LAMA2: variants seen among roughly 807,000 people sequenced by gnomAD.
The protein encoded by LAMA2 is laminin subunit alpha-2.
A neutral mutation model predicts 364.8 loss-of-function variants in LAMA2; 269 were observed. The observed-to-expected ratio is 0.74, with a 90% CI of 0.67 to 0.82. The LOEUF is 0.82. Among genes scored for constraint, LAMA2 ranks in the 40% least tolerant of loss-of-function variants. The probability of loss-of-function intolerance (pLI) is 0.00; values close to 1 mark genes in which losing one functional copy is unlikely to be tolerated. For missense variants in LAMA2, 3,807 were observed against 3,873.2 expected (o/e 0.98, Z 0.45); for synonymous variants, 1,379 against 1,370.6 (o/e 1.01, Z -0.14).
intron 28 of LAMA2, among the ~76,000 whole-genome samples, chr6:129,321,474 C>A (rs1774964129): frequency 6.6e-6 from 1 of 152,176 alleles, no homozygotes; most frequent in Non-Finnish European, 1.5e-5. Context: ...TGAAGCCTGG[C>A]ATGCATGGGG....
Position 129,219,859 on chromosome 6 carries a change from A to G in LAMA2, c.1782+27006A>G, listed in dbSNP as rs566571154. Among the ~76,000 whole-genome samples the G allele has an allele frequency of 7.3e-5, 11 of 150,100 alleles. 1 individual carries two copies. The highest frequency in any genetic ancestry group is 1.3e-4 in the African/African-American group (5 of 39,646). On this transcript the variant is annotated intron_variant, in intron 12 of 64. Coordinates refer to ENST00000421865, the MANE Select transcript of LAMA2 (RefSeq NM_000426.4). ...GGGGGGAGGGGGGAGAGATAGCATT[A>G]GGAGATGCTAAATGACGAGTTAATG...
At chr6:129,158,670 A>G in intron 8 of LAMA2, 1 of 1,614,194 alleles carries the variant, frequency 6.2e-7, no homozygotes, top group Non-Finnish European at 8.5e-7. Context: ...CAGCCATCGA[A>G]TGCTGCCATC....
At chr6:129,311,191 G>A (rs890791517) in intron 22 of LAMA2, among the ~76,000 whole-genome samples, 6 of 151,662 alleles carry the variant, frequency 4.0e-5, no homozygotes, top group Non-Finnish European at 5.9e-5. Flanking sequence ...GCGCGATCTC[G>A]GCTCACTGCA....
chr6:129,229,834 A>T (rs1278332200), intron 12 of LAMA2, among the ~76,000 whole-genome samples: 1 of 152,204 alleles, frequency 6.6e-6, no homozygotes, highest in East Asian at 1.9e-4. Context: ...TCATTGATTT[A>T]GATGGGGAAG....
At chr6:128,904,661 G>A (rs1038574081) in intron 1 of LAMA2, among the ~76,000 whole-genome samples, 1 of 151,944 alleles carries the variant, frequency 6.6e-6, no homozygotes, top group African/African-American at 2.4e-5. Context: ...GTTTCACTAT[G>A]TTGGCCAGGC....
chr6:129,036,631 T>A (rs1341688852), intron 1 of LAMA2, among the ~76,000 whole-genome samples: 2 of 150,890 alleles, frequency 1.3e-5, no homozygotes, highest in African/African-American at 4.9e-5. Flanking sequence ...CTTTTTCTGA[T>A]TAAAAAAAAA....
intron 1 of LAMA2, among the ~76,000 whole-genome samples, chr6:128,995,593 G>A (rs1266607108): frequency 6.6e-6 from 1 of 152,048 alleles, no homozygotes; most frequent in Non-Finnish European, 1.5e-5. Context: ...CAAAGTGCTG[G>A]GATTACAGGC....
At chr6:128,890,463 T>C (rs1480729902) in intron 1 of LAMA2, among the ~76,000 whole-genome samples, 1 of 152,004 alleles carries the variant, frequency 6.6e-6, no homozygotes, top group Non-Finnish European at 1.5e-5. Flanking sequence ...TGTTAGTCTA[T>C]CATATCCAGA....
intron 32 of LAMA2, among the ~76,000 whole-genome samples, chr6:129,362,444 C>T (rs1199094990): frequency 1.3e-5 from 2 of 152,164 alleles, no homozygotes; most frequent in African/African-American, 4.8e-5. Flanking sequence ...TCTCTCCTAA[C>T]ATTCTACCTC....
rs2114888730 is a variant in LAMA2, at chr6:129,502,685, A to G, written c.8271A>G (p.Pro2757=). 2 of 1,613,976 alleles carry G rather than the reference A, an allele frequency of 1.2e-6. No individual in the cohort carries two copies. Among genetic ancestry groups the G allele is most frequent in the Non-Finnish European group, 1.7e-6 (2 of 1,179,846 alleles). ...GTCCTTGTGCTGCAGAATCAGAACC[A>G]GCTCTTTTGATAGGGAGCAAGCAGT... ...THGPCAAESE[P]ALLIGSKQFG... Residue 2757 remains proline, a synonymous_variant, in exon 59 of 65, where the codon CCA becomes CCG. Transcript: ENST00000421865.
In LAMA2 at chr6:129,366,889, T is replaced by G. The variant is rs547566281; in HGVS notation, c.4860+528T>G. Among the ~76,000 whole-genome samples the G allele has an allele frequency of 3.9e-5, 6 of 152,296 alleles. No homozygotes were observed. In the South Asian group the frequency reaches 8.3e-4, roughly 21 times the overall value. On this transcript the variant is annotated intron_variant, in intron 33 of 64. Transcript: ENST00000421865. ...CCTACAAAGGGTCCTGAAATGAATG[T>G]GAGCATCACTTGACAAGTTTATGTG...
intron 29 of LAMA2, among the ~76,000 whole-genome samples, chr6:129,332,536 A>G (rs1407398190): frequency 6.6e-6 from 1 of 152,200 alleles, no homozygotes; most frequent in Non-Finnish European, 1.5e-5. Context: ...AATCAAAATT[A>G]CTGGAATTTT....
chr6:129,184,241 A>C (rs1781100830), intron 10 of LAMA2, among the ~76,000 whole-genome samples: 2 of 151,908 alleles, frequency 1.3e-5, no homozygotes, highest in African/African-American at 4.8e-5. Flanking sequence ...TAACTTGTAG[A>C]CTTGATTCCT....
At chr6:129,408,769 C>T (rs1279894221) in intron 40 of LAMA2, among the ~76,000 whole-genome samples, 1 of 152,194 alleles carries the variant, frequency 6.6e-6, no homozygotes, top group East Asian at 1.9e-4. Context: ...TGCATAACCT[C>T]CATTCCTGCC....
At chr6:128,991,808 T>C (rs1364635538) in intron 1 of LAMA2, among the ~76,000 whole-genome samples, 2 of 152,176 alleles carry the variant, frequency 1.3e-5, no homozygotes, top group African/African-American at 4.8e-5. Flanking sequence ...CCCTGACATC[T>C]GTACATGTGT....
At chr6:129,228,386 T>C (rs528450101) in intron 12 of LAMA2, among the ~76,000 whole-genome samples, 90 of 152,212 alleles carry the variant, frequency 5.9e-4, no homozygotes, top group African/African-American at 2.1e-3. Context: ...GGTACCTCAA[T>C]TGGAAATGTG....
chr6:129,223,407 A>C (rs1784015264), intron 12 of LAMA2, among the ~76,000 whole-genome samples: 1 of 152,212 alleles, frequency 6.6e-6, no homozygotes, highest in African/African-American at 2.4e-5. Context: ...TTAGACAAAA[A>C]GTCCTTACCC....
chr6:128,949,107 C>T (rs1030803057), intron 1 of LAMA2, among the ~76,000 whole-genome samples: 2 of 152,074 alleles, frequency 1.3e-5, no homozygotes, highest in Admixed American at 1.3e-4. Flanking sequence ...ATTATCACAA[C>T]TCCAGTGAGA....
At chr6:129,033,984 T>G (rs899709073) in intron 1 of LAMA2, among the ~76,000 whole-genome samples, 1 of 152,018 alleles carries the variant, frequency 6.6e-6, no homozygotes, top group African/African-American at 2.4e-5. Context: ...ACAAAGCAGT[T>G]CGTGGACTCT....
Sources: gnomAD v4.1 joint callset for allele counts (sites outside exome capture counted in the v4.1 genomes callset) on GRCh38, gnomAD v4.1.1 for gene constraint, MANE v1.5 for transcripts, NCBI Gene and HGNC (gene_info 2026-07-23, HGNC 2026-07-21) for gene names.